The following TRPC1 variants were observed in gnomAD, a reference collection of about 807,000 sequenced individuals.
TRPC1 encodes the protein transient receptor potential cation channel subfamily C member 1.
TRPC1 carries 42 observed loss-of-function variants against 88.2 expected under a neutral mutation model. The observed-to-expected ratio is 0.48, with a 90% CI of 0.37 to 0.62. The LOEUF (loss-of-function observed/expected upper bound fraction) is 0.62, where lower values mean the gene tolerates loss of function less well. Among genes scored for constraint, TRPC1 ranks in the 20% least tolerant of loss-of-function variants. TRPC1 has a pLI of 0.00. For missense variants in TRPC1, 699 were observed against 957.3 expected (o/e 0.73, Z 3.56); for synonymous variants, 288 against 331.8 (o/e 0.87, Z 1.43).
At chr3:142,744,984 A>G (rs1934490435) in intron 3 of TRPC1, among the ~76,000 whole-genome samples, 1 of 152,212 alleles carries the variant, frequency 6.6e-6, no homozygotes, top group Non-Finnish European at 1.5e-5. Flanking sequence ...GCCATGTTTG[A>G]GAAATGTGAG....
chr3:142,772,176 A>C (rs538181237), intron 4 of TRPC1, among the ~76,000 whole-genome samples: 44 of 152,012 alleles, frequency 2.9e-4, no homozygotes, highest in Non-Finnish European at 5.0e-4. Flanking sequence ...GAGTTTTTTT[A>C]GCTTCCTGGA....
At chr3:142,785,063 AG>A in intron 7 of TRPC1, 23 bp downstream of exon 7, 1 of 1,543,266 alleles carries the variant, frequency 6.5e-7, no homozygotes, top group Non-Finnish European at 8.7e-7. Flanking sequence ...TTAGTTTGAA[AG>A]GTTTTGTCTT....
chr3:142,748,517 TTTTAAAATTG>T, intron 4 of TRPC1, 57 bp downstream of exon 4: 1 of 1,561,330 alleles, frequency 6.4e-7, no homozygotes, highest in Non-Finnish European at 8.8e-7. Flanking sequence ...CAATGTTGAT[TTTTAAAATTG>T]GTATTCTTTC....
intron 9 of TRPC1, among the ~76,000 whole-genome samples, chr3:142,800,914 A>G (rs1273664959): frequency 2.0e-5 from 3 of 149,338 alleles, no homozygotes; most frequent in Non-Finnish European, 4.4e-5. Flanking sequence ...GACTGTCTTA[A>G]AAAGAAAGAA....
At chr3:142,777,588 G>C (rs1341055942) in intron 4 of TRPC1, 44 bp from the exon 5 acceptor site, 1 of 1,385,542 alleles carries the variant, frequency 7.2e-7, no homozygotes, top group East Asian at 2.4e-5. Context: ...CGAATTATAT[G>C]TGTATAAGTT....
At chr3:142,797,615 C>T (rs1283599697) in intron 9 of TRPC1, among the ~76,000 whole-genome samples, 1 of 152,080 alleles carries the variant, frequency 6.6e-6, no homozygotes, top group African/African-American at 2.4e-5. Flanking sequence ...TGGGTTCTGA[C>T]AGGTTGGTTC....
intron 5 of TRPC1, among the ~76,000 whole-genome samples, chr3:142,779,195 T>G (rs1935879072): frequency 6.6e-6 from 1 of 152,180 alleles, no homozygotes; most frequent in African/African-American, 2.4e-5. Context: ...TTCAATCCAG[T>G]GTTTTATAGA....
At chr3:142,805,127 TATACACACACACACACACACAC>T (rs1936753121) in intron 12 of TRPC1, among the ~76,000 whole-genome samples, 1 of 120,394 alleles carries the variant, frequency 8.3e-6, no homozygotes, top group African/African-American at 3.2e-5. Context: ...CAAATATATA[TATACACACACACACACACACAC>T]ACACACACAC....
chr3:142,804,652 T>C, intron 12 of TRPC1, 22 bp downstream of exon 12: 1 of 1,572,648 alleles, frequency 6.4e-7, no homozygotes, highest in Non-Finnish European at 8.6e-7. Context: ...GAAGCTTGAA[T>C]GGCAACATAA....
At chr3:142,802,977 A>C (rs2108165560) in intron 10 of TRPC1, among the ~76,000 whole-genome samples, 1 of 152,340 alleles carries the variant, frequency 6.6e-6, no homozygotes, top group South Asian at 2.1e-4. Flanking sequence ...ATTAATGAGT[A>C]TGTGTCAGTG....
intron 9 of TRPC1, among the ~76,000 whole-genome samples, chr3:142,793,184 G>T (rs995413648): frequency 4.6e-5 from 7 of 151,874 alleles, no homozygotes; most frequent in African/African-American, 1.7e-4. Context: ...TTATGCTGTG[G>T]TCCATTAGCC....
chr3:142,787,162 C>G (rs1225148063), intron 7 of TRPC1, among the ~76,000 whole-genome samples: 1 of 152,200 alleles, frequency 6.6e-6, no homozygotes, highest in Non-Finnish European at 1.5e-5. Context: ...AGTAAAATTC[C>G]TGGAAGTATC....
At chr3:142,785,491 T>TTTTTG (rs568298624) in intron 7 of TRPC1, among the ~76,000 whole-genome samples, 54 of 152,122 alleles carry the variant, frequency 3.5e-4, no homozygotes, top group Non-Finnish European at 4.6e-4. Flanking sequence ...AGCTTTTTGG[T>TTTTTG]TTTTGTTTTG....
chr3:142,733,805 AG>A (rs1397859054), intron 1 of TRPC1, among the ~76,000 whole-genome samples: 2 of 152,236 alleles, frequency 1.3e-5, no homozygotes, highest in African/African-American at 4.8e-5. Context: ...TCAAGAAAGT[AG>A]GGGAAACAAC....
chr3:142,735,198 T>C (rs967576781), intron 1 of TRPC1, among the ~76,000 whole-genome samples: 12 of 152,180 alleles, frequency 7.9e-5, no homozygotes, highest in Non-Finnish European at 5.9e-5. Flanking sequence ...AAAGAAGTTG[T>C]ATGTGTGAGG....
At chr3:142,777,538 T>A in intron 4 of TRPC1, 94 bp from the exon 5 acceptor site, 2 of 732,828 alleles carry the variant, frequency 2.7e-6, no homozygotes, top group Non-Finnish European at 3.8e-6. Flanking sequence ...AATTTTATAA[T>A]ATTTTAAGTA....
intron 1 of TRPC1, among the ~76,000 whole-genome samples, chr3:142,731,374 A>ATTTTTTTTT (rs59613066): frequency 2.5e-5 from 2 of 79,524 alleles, no homozygotes; most frequent in East Asian, 3.6e-4. Flanking sequence ...ATATGTTTTG[A>ATTTTTTTTT]TTTTTTTTTT....
At chr3:142,799,297 G>A (rs958119834) in intron 9 of TRPC1, among the ~76,000 whole-genome samples, 2 of 151,802 alleles carry the variant, frequency 1.3e-5, no homozygotes, top group Non-Finnish European at 2.9e-5. Flanking sequence ...AAGTTAAACC[G>A]CCAAGTACTT....
chr3:142,803,417 A>G (rs1249872692), intron 10 of TRPC1, among the ~76,000 whole-genome samples: 1 of 152,222 alleles, frequency 6.6e-6, no homozygotes, highest in Non-Finnish European at 1.5e-5. Context: ...GGGGAGTTGT[A>G]GGAAATGAAG....
Sources: allele counts gnomAD v4.1 joint callset (sites outside exome capture counted in the v4.1 genomes callset), GRCh38; gene constraint gnomAD v4.1.1; transcripts MANE v1.5; gene names NCBI Gene and HGNC (gene_info 2026-07-23, HGNC 2026-07-21).